Variants in LRP8 observed in about 807,000 individuals in gnomAD.
LRP8 encodes the protein LDL receptor related protein 8, also known as low-density lipoprotein receptor-related protein 8.
Under a neutral mutation model 111.6 loss-of-function variants are expected in LRP8, and 46 were observed. That is an observed-to-expected ratio of 0.41 (90% CI 0.33 to 0.53). The LOEUF (loss-of-function observed/expected upper bound fraction) is 0.53. LRP8 is among the 20% of genes least tolerant of loss of function. The probability of loss-of-function intolerance (pLI) is 0.20; values close to 1 mark genes in which losing one functional copy is unlikely to be tolerated. For synonymous variants in LRP8, 464 were observed against 511.2 expected (o/e 0.91, Z 1.24); for missense variants, 959 against 1,297.4 (o/e 0.74, Z 4.01).
At chr1:53,286,650 AC>A (rs1223524630) in intron 3 of LRP8, among the ~76,000 whole-genome samples, 1 of 152,192 alleles carries the variant, frequency 6.6e-6, no homozygotes, top group Non-Finnish European at 1.5e-5. Flanking sequence ...AGAACACAGA[AC>A]CAGAGGGAAA....
chr1:53,296,336 A>G (rs1337711753), intron 2 of LRP8, among the ~76,000 whole-genome samples: 1 of 152,202 alleles, frequency 6.6e-6, no homozygotes, highest in African/African-American at 2.4e-5. Context: ...TGAGAGGCTG[A>G]GAGCAAAGGT....
At position 53,326,883 on chromosome 1, in the gene LRP8, C is replaced by T; in HGVS notation, c.234G>A (p.Glu78=). Residue 78 remains glutamate, a synonymous_variant, in exon 2 of 19, where the codon GAG becomes GAA. Transcript: ENST00000306052. Reference sequence around the variant, plus strand: ...TGGCCCGCCACTCACGGCAGTCGTCCTCGTCGCTGTGGTCTAAGCAGTCAT... The same window carrying T: ...TGGCCCGCCACTCACGGCAGTCGTCTTCGTCGCTGTGGTCTAAGCAGTCAT... ...EDDDCLDHSD[E]DDCPKKTCAD... is the part of the protein sequence containing the mutation. 6.2e-7 allele frequency: 1 copy of T among 1,612,936 alleles called. No individual in the cohort carries two copies.
chr1:53,321,061 G>A (rs1039932858), intron 2 of LRP8, among the ~76,000 whole-genome samples: 1 of 152,244 alleles, frequency 6.6e-6, no homozygotes, highest in Non-Finnish European at 1.5e-5. Flanking sequence ...ATTGTCCAAC[G>A]TGGTCCCAGG....
At chr1:53,327,512 T>C in intron 1 of LRP8, 1 of 347,556 alleles carries the variant, frequency 2.9e-6, no homozygotes, top group Non-Finnish European at 5.1e-6. Flanking sequence ...TCCGGAACCA[T>C]GAATGGCCGC....
chr1:53,263,364 C>A (rs1158557862), intron 10 of LRP8, among the ~76,000 whole-genome samples: 1 of 152,186 alleles, frequency 6.6e-6, no homozygotes, highest in Non-Finnish European at 1.5e-5. Context: ...CACCAGCTGC[C>A]CTTGCTCGAA....
rs865946052 is a variant in LRP8 at position 53,320,571 on chromosome 1, A to C, written c.244+6302T>G. ...CCCTGAGGTCATGTGCATCACTATCATCAGGTTCTCAGTTTCCCCTTCCAT... is the reference window on the plus strand; with the variant it reads ...CCCTGAGGTCATGTGCATCACTATCCTCAGGTTCTCAGTTTCCCCTTCCAT... On this transcript the variant is annotated intron_variant, in intron 2 of 18. Transcript: ENST00000306052. 7.2e-5 allele frequency among the ~76,000 whole-genome samples: 11 copies of C among 152,228 alleles called. 1 individual carries two copies. Among genetic ancestry groups the C allele is most frequent in the Admixed American group, 7.2e-4 (11 of 15,288 alleles).
At chr1:53,285,889 A>G (rs1396811656) in intron 3 of LRP8, among the ~76,000 whole-genome samples, 1 of 152,156 alleles carries the variant, frequency 6.6e-6, no homozygotes, top group Non-Finnish European at 1.5e-5. Context: ...GAACCCTCCA[A>G]AGCTGGCAAG....
intron 2 of LRP8, among the ~76,000 whole-genome samples, chr1:53,316,376 C>T (rs977744344): frequency 2.6e-5 from 4 of 152,188 alleles, no homozygotes; most frequent in African/African-American, 9.7e-5. Context: ...TCTGCTCTCA[C>T]TGGCTCATAG....
chr1:53,284,805 C>T (rs933301747), intron 3 of LRP8, among the ~76,000 whole-genome samples: 1 of 152,200 alleles, frequency 6.6e-6, no homozygotes, highest in East Asian at 1.9e-4. Flanking sequence ...AGAGCCAAGG[C>T]TCTTGGAATG....
rs543336581 is a variant in LRP8, at chr1:53,275,406, C to G, written c.1006+225G>C. ...GGACTTCCCAAGTGCTCTGTCATGT[C>G]CCCCTAGGTGTCTTTCAGCTTTGGC... is the stretch of plus-strand genomic sequence containing the variant. On this transcript the variant is annotated intron_variant, in intron 6 of 18. Coordinates refer to ENST00000306052, the MANE Select transcript of LRP8 (RefSeq NM_004631.5). The surrounding 1 kb of genome is among the most constrained non-coding windows in gnomAD (Gnocchi z 4.4). Among the ~76,000 whole-genome samples the G allele has an allele frequency of 5.9e-5, 9 of 152,278 alleles. No homozygotes were observed. Among genetic ancestry groups the G allele is most frequent in the African/African-American group, 1.9e-4 (8 of 41,538 alleles).
intron 2 of LRP8, among the ~76,000 whole-genome samples, chr1:53,315,351 GAGA>G (rs991494740): frequency 7.2e-5 from 11 of 152,212 alleles, no homozygotes; most frequent in African/African-American, 2.7e-4. Flanking sequence ...GGGAGGTTCA[GAGA>G]AGGAGGTCAA....
intron 14 of LRP8, 64 bp downstream of exon 14, chr1:53,258,255 G>T: frequency 6.6e-7 from 1 of 1,507,180 alleles, no homozygotes; most frequent in Non-Finnish European, 9.0e-7. Context: ...GAAGCCAAGG[G>T]AAGATTTCAG....
In LRP8 at chr1:53,312,234, C is replaced by T. The variant is rs554755903; in HGVS notation, c.244+14639G>A. On this transcript the variant is annotated intron_variant, in intron 2 of 18. Transcript: ENST00000306052. ...CTGGGCTAGAGGCAGTCTGTAACAG[C>T]GGCCAGGCCTCCTGGCCCTATCCAC... Among the ~76,000 whole-genome samples, 7 of 152,302 alleles carry T rather than the reference C, an allele frequency of 4.6e-5. No homozygotes were observed. The South Asian group carries it at 6.2e-4, about 14-fold the overall frequency.
intron 2 of LRP8, chr1:53,306,238 C>A (rs1476218523): frequency 6.6e-6 from 1 of 152,230 alleles, no homozygotes; most frequent in Admixed American, 6.5e-5. Flanking sequence ...AATGTACAGC[C>A]CAGGACACAA....
intron 1 of LRP8, 48 bp downstream of exon 1, chr1:53,327,741 T>G (rs1236794491): frequency 1.4e-6 from 2 of 1,415,022 alleles, no homozygotes; most frequent in Non-Finnish European, 1.9e-6. Flanking sequence ...CGCGCTTTGT[T>G]GGTGGCTAGG....
rs562167611 is a variant in LRP8 at position 53,272,602 on chromosome 1, A to T, written c.1007-1256T>A. 168 of 1,289,840 alleles carry T rather than the reference A, an allele frequency of 1.3e-4. 1 individual carries two copies. Among genetic ancestry groups the T allele is most frequent in the Non-Finnish European group, 1.6e-4 (154 of 989,226 alleles). The allele number at this position is 1,289,840 out of a possible 1,614,324, so 79.9% of individuals were successfully genotyped here. Reference sequence around the variant, plus strand: ...GCCATGCTTAGGGAATAACCCCTTTACCCCTGGGCCTCCTCCTGTTTCCCA... The same window carrying T: ...GCCATGCTTAGGGAATAACCCCTTTTCCCCTGGGCCTCCTCCTGTTTCCCA... On this transcript the variant is annotated intron_variant, in intron 6 of 18. Transcript: ENST00000306052.
intron 3 of LRP8, among the ~76,000 whole-genome samples, chr1:53,288,744 C>G (rs572742621): frequency 6.6e-6 from 1 of 152,182 alleles, no homozygotes; most frequent in Non-Finnish European, 1.5e-5. Context: ...TTTGCCTGAG[C>G]CTTTTGTCTC....
chr1:53,272,250 G>T (rs1646781830), intron 6 of LRP8, among the ~76,000 whole-genome samples: 1 of 152,098 alleles, frequency 6.6e-6, no homozygotes, highest in Admixed American at 6.5e-5. Flanking sequence ...GCTGCAAGAG[G>T]TGAAGGGATG....
Position 53,246,471 on chromosome 1 carries a change from C to T in LRP8, c.*547G>A, listed in dbSNP as rs1296387147. The T allele has an allele frequency of 6.6e-6, 1 of 152,158 alleles. No individual in the cohort carries two copies. The highest frequency in any genetic ancestry group is 1.5e-5 in the Non-Finnish European group (1 of 68,150). 9.4% of individuals were successfully genotyped at this position (152,158 alleles called of 1,614,324 possible). A position where few individuals can be genotyped will look rare whatever the true frequency, so the allele number is the denominator to read the frequency against. Reference sequence around the variant, plus strand: ...AACATGCCAAAAATAAATACTCTCACTTCTCTAAATTATTTATAGAACTCA... The same window carrying T: ...AACATGCCAAAAATAAATACTCTCATTTCTCTAAATTATTTATAGAACTCA... On this transcript the variant is annotated 3_prime_UTR_variant, in exon 19 of 19. Transcript: ENST00000306052.
Sources: gnomAD v4.1 joint callset for allele counts (sites outside exome capture counted in the v4.1 genomes callset) on GRCh38, gnomAD v4.1.1 for gene constraint, Gnocchi (gnomAD v3.1) non-coding constraint, MANE v1.5 for transcripts, NCBI Gene and HGNC (gene_info 2026-07-23, HGNC 2026-07-21) for gene names.